Variants in OPCML observed in about 807,000 individuals in gnomAD.
OPCML encodes the protein opioid-binding protein/cell adhesion molecule.
Under a neutral mutation model 37.8 loss-of-function variants are expected in OPCML, and 13 were observed. The ratio of observed to expected loss-of-function variants is 0.34; its 90% CI spans 0.22 to 0.55. The LOEUF (loss-of-function observed/expected upper bound fraction) is 0.55, where lower values mean the gene tolerates loss of function less well. Ranked by LOEUF, OPCML falls within the 20% of genes least tolerant of loss-of-function variation. The pLI is 0.91. For synonymous variants in OPCML, 176 were observed against 168.8 expected (o/e 1.04, Z -0.33); for missense variants, 341 against 435.6 (o/e 0.78, Z 1.93).
At chr11:133,010,016 G>C (rs969251180) in intron 1 of OPCML, among the ~76,000 whole-genome samples, 16 of 152,138 alleles carry the variant, frequency 1.1e-4, no homozygotes, top group Non-Finnish European at 2.4e-4. Flanking sequence ...CCTCCCCCTA[G>C]TCCCTTTTCA....
At chr11:132,594,202 G>T in intron 3 of OPCML, among the ~76,000 whole-genome samples, 1 of 152,124 alleles carries the variant, frequency 6.6e-6, no homozygotes, top group Non-Finnish European at 1.5e-5. Context: ...AGATAAAAAG[G>T]CAGGTTAAAA....
intron 1 of OPCML, among the ~76,000 whole-genome samples, chr11:133,444,799 G>GTT (rs36002246): frequency 1.0e-4 from 15 of 146,602 alleles, no homozygotes; most frequent in South Asian, 6.3e-4. Context: ...TTGTTTTTTG[G>GTT]TTTTTTTTGC....
chr11:132,865,247 A>T (rs1942485672), intron 2 of OPCML, among the ~76,000 whole-genome samples: 1 of 152,252 alleles, frequency 6.6e-6, no homozygotes, highest in African/African-American at 2.4e-5. Flanking sequence ...CAAGAAAATA[A>T]CACTTGTAAA....
At chr11:133,400,758 T>C (rs1005913039) in intron 1 of OPCML, among the ~76,000 whole-genome samples, 1 of 152,212 alleles carries the variant, frequency 6.6e-6, no homozygotes, top group African/African-American at 2.4e-5. Context: ...TTAAGTGATA[T>C]GGCCTCTGGA....
At chr11:133,508,661 G>A (rs1948090441) in intron 1 of OPCML, among the ~76,000 whole-genome samples, 1 of 152,214 alleles carries the variant, frequency 6.6e-6, no homozygotes, top group South Asian at 2.1e-4. Flanking sequence ...GGAGGAGTGG[G>A]AAGAATGCAA....
chr11:133,455,535 TA>T (rs1440017234), intron 1 of OPCML, among the ~76,000 whole-genome samples: 1 of 152,194 alleles, frequency 6.6e-6, no homozygotes, highest in Non-Finnish European at 1.5e-5. Flanking sequence ...CGCAGTCATT[TA>T]AAACAATTCT....
intron 1 of OPCML, among the ~76,000 whole-genome samples, chr11:133,204,884 A>ATATATATATGTG (rs1555114212): frequency 2.8e-5 from 1 of 36,286 alleles, no homozygotes; most frequent in Non-Finnish European, 7.5e-5. Flanking sequence ...ATATATATAT[A>ATATATATATGTG]TATATATATA....
intron 1 of OPCML, among the ~76,000 whole-genome samples, chr11:133,209,440 T>A (rs539998322): frequency 2.0e-5 from 3 of 152,302 alleles, no homozygotes; most frequent in African/African-American, 7.2e-5. Flanking sequence ...AATGCAAGTG[T>A]GTAGATATGG....
chr11:132,481,752 A>G (rs1379049322), intron 4 of OPCML, among the ~76,000 whole-genome samples: 5 of 150,012 alleles, frequency 3.3e-5, no homozygotes, highest in African/African-American at 7.3e-5. Context: ...ACTAGAACTC[A>G]GGATTAAGAA....
intron 3 of OPCML, among the ~76,000 whole-genome samples, chr11:132,591,086 AG>A (rs1470058171): frequency 6.6e-6 from 1 of 152,178 alleles, no homozygotes; most frequent in Non-Finnish European, 1.5e-5. Flanking sequence ...ATTTGCACAA[AG>A]CAAGATTGTT....
At chr11:133,334,116 A>G (rs1943687299) in intron 1 of OPCML, among the ~76,000 whole-genome samples, 1 of 152,218 alleles carries the variant, frequency 6.6e-6, no homozygotes, top group African/African-American at 2.4e-5. Flanking sequence ...CAGAACTACC[A>G]TTCAACCCAG....
intron 1 of OPCML, among the ~76,000 whole-genome samples, chr11:133,266,514 T>C (rs1037236661): frequency 5.3e-5 from 8 of 152,334 alleles, no homozygotes; most frequent in African/African-American, 1.9e-4. Context: ...CATGTTGTTG[T>C]CACTGCCATT....
chr11:133,076,766 C>T (rs908535735), intron 1 of OPCML, among the ~76,000 whole-genome samples: 1 of 152,104 alleles, frequency 6.6e-6, no homozygotes. Context: ...AAGTGACTCT[C>T]CAGCTGGTCA....
chr11:132,627,377 A>G (rs1939812933), intron 3 of OPCML, among the ~76,000 whole-genome samples: 2 of 152,316 alleles, frequency 1.3e-5, no homozygotes, highest in East Asian at 1.9e-4. Context: ...CATAATTCCT[A>G]ATGTTAAGTA....
chr11:133,057,985 C>T (rs1053961940), intron 1 of OPCML, among the ~76,000 whole-genome samples: 4 of 152,156 alleles, frequency 2.6e-5, no homozygotes, highest in African/African-American at 9.7e-5. Context: ...GCGTTATCTG[C>T]CTTCCGCACT....
intron 1 of OPCML, among the ~76,000 whole-genome samples, chr11:132,979,137 T>C (rs548728764): frequency 6.6e-5 from 10 of 152,324 alleles, no homozygotes; most frequent in African/African-American, 2.4e-4. Flanking sequence ...CGGAATCCCA[T>C]GCCTTCTCCC....
At chr11:132,858,474 T>G (rs1471384056) in intron 2 of OPCML, among the ~76,000 whole-genome samples, 2 of 152,222 alleles carry the variant, frequency 1.3e-5, no homozygotes, top group Non-Finnish European at 2.9e-5. Context: ...TGCTGAACTC[T>G]GCTGGGAACT....
In OPCML at chr11:132,436,176, A is replaced by C; in HGVS notation, c.826T>G (p.Phe276Val). The change falls in exon 7 of 8, where the codon TTC becomes GTC. Residue 276 changes from phenylalanine (F) to valine (V), a missense_variant. Phe to Val is a conservative substitution (Grantham distance 50). Coordinates refer to ENST00000524381, the MANE Select transcript of OPCML (RefSeq NM_001012393.5). ...TAATCCTTTTCTGAAACATTGAAGA[A>C]AGTCAGAGTGGACATGCGGCCTTTG... Reference protein sequence around the residue: ...ENKGRMSTLTFFNVSEKDYGN... With the variant: ...ENKGRMSTLTVFNVSEKDYGN... The C allele has an allele frequency of 6.2e-7, 1 of 1,614,224 alleles. No individual in the cohort carries two copies. The highest frequency in any genetic ancestry group is 8.5e-7 in the Non-Finnish European group (1 of 1,180,038).
At chr11:133,346,021 A>G (rs887537958) in intron 1 of OPCML, among the ~76,000 whole-genome samples, 11 of 152,190 alleles carry the variant, frequency 7.2e-5, no homozygotes, top group African/African-American at 2.7e-4. Context: ...CTAGAATTTT[A>G]TCTGCATTAG....
Sources: allele counts gnomAD v4.1 joint callset (sites outside exome capture counted in the v4.1 genomes callset), GRCh38; gene constraint gnomAD v4.1.1; transcripts MANE v1.5; gene names NCBI Gene and HGNC (gene_info 2026-07-23, HGNC 2026-07-21).